Variants in MYBL2 observed in about 807,000 individuals in gnomAD.
MYBL2 encodes the protein MYB proto-oncogene like 2.
A neutral mutation model predicts 79.9 loss-of-function variants in MYBL2; 28 were observed. The observed-to-expected ratio is 0.35, with a 90% CI of 0.26 to 0.48. The LOEUF is 0.48. Ranked by LOEUF, MYBL2 falls within the 20% of genes least tolerant of loss-of-function variation. MYBL2 has a pLI of 0.99. For missense variants in MYBL2, 735 were observed against 893.9 expected (o/e 0.82, Z 2.27); for synonymous variants, 378 against 361.2 (o/e 1.05, Z -0.53).
intron 1 of MYBL2, among the ~76,000 whole-genome samples, chr20:43,670,255 C>T (rs1029590325): frequency 7.9e-5 from 12 of 152,300 alleles, no homozygotes; most frequent in Middle Eastern, 3.4e-3. Context: ...GTTTCTGTCA[C>T]GAGCTGTCTG....
At chr20:43,681,962 C>A in intron 3 of MYBL2, 107 bp downstream of exon 3, 17 of 1,167,632 alleles carry the variant, frequency 1.5e-5, no homozygotes, top group Non-Finnish European at 2.0e-5. Flanking sequence ...CCTTACTCAG[C>A]CCCTGAAAAC....
rs3092517 is a variant in MYBL2 at position 43,691,543 on chromosome 20, AT to A, written c.501-600del. 2.0e-3 allele frequency among the ~76,000 whole-genome samples: 280 copies of A among 141,626 alleles called. 1 individual carries two copies. The highest frequency in any genetic ancestry group is 5.7e-3 in the African/African-American group (218 of 38,174). 92.9% of individuals were successfully genotyped at this position (141,626 alleles called of 152,430 possible). On this transcript the variant is annotated intron_variant, in intron 5 of 13. Coordinates refer to ENST00000217026, the MANE Select transcript of MYBL2 (RefSeq NM_002466.4). Reference sequence around the variant, plus strand: ...CCACTGTTCCTGGTCTTATATATACATTTTTTTTTTTTTTGAGGTGGAATTT... The same window carrying A: ...CCACTGTTCCTGGTCTTATATATACATTTTTTTTTTTTTGAGGTGGAATTT...
intron 4 of MYBL2, among the ~76,000 whole-genome samples, chr20:43,686,371 C>T (rs826960): frequency 0.77 from 116,463 of 152,090 alleles, 45,425 homozygotes; most frequent in Non-Finnish European, 0.84. Flanking sequence ...TACCATGGCT[C>T]AGCCTGTGCC....
chr20:43,714,547 G>A (rs1230233392), intron 12 of MYBL2, among the ~76,000 whole-genome samples: 1 of 152,102 alleles, frequency 6.6e-6, no homozygotes, highest in Non-Finnish European at 1.5e-5. Flanking sequence ...ATCAGGCTCT[G>A]AAACGCACAC....
intron 6 of MYBL2, among the ~76,000 whole-genome samples, chr20:43,692,567 T>G (rs1029329685): frequency 5.3e-5 from 8 of 152,206 alleles, no homozygotes; most frequent in African/African-American, 1.9e-4. Flanking sequence ...CCTCCATCTC[T>G]CCTTGCTGGT....
At chr20:43,699,669 T>G in intron 6 of MYBL2, 88 bp from the exon 7 acceptor site, 1 of 1,405,688 alleles carries the variant, frequency 7.1e-7, no homozygotes, top group East Asian at 2.3e-5. Context: ...AGTTTCCTTC[T>G]TAGATTCAGG....
At chr20:43,706,131 T>C (rs1050455016) in intron 9 of MYBL2, among the ~76,000 whole-genome samples, 11 of 152,200 alleles carry the variant, frequency 7.2e-5, no homozygotes, top group Admixed American at 1.3e-4. Context: ...CTGGCCCTCA[T>C]TTGATAATTT....
At chr20:43,688,304 C>T (rs112538861) in intron 5 of MYBL2, among the ~76,000 whole-genome samples, 4 of 151,344 alleles carry the variant, frequency 2.6e-5, no homozygotes, top group Admixed American at 6.6e-5. Flanking sequence ...CAGGTTGAAA[C>T]GATTCTCCTG....
At chr20:43,693,143 T>C (rs1182045241) in intron 6 of MYBL2, among the ~76,000 whole-genome samples, 1 of 152,100 alleles carries the variant, frequency 6.6e-6, no homozygotes, top group Non-Finnish European at 1.5e-5. Context: ...AGCGATCTCA[T>C]GCCTCAGCAA....
At position 43,681,852 on chromosome 20, in the gene MYBL2, C is replaced by G; in HGVS notation, c.183C>G (p.Phe61Leu). 1 of 1,614,202 alleles carries G rather than the reference C, an allele frequency of 6.2e-7. No individual in the cohort carries two copies. Residue 61 changes from phenylalanine (F) to leucine (L), a missense_variant, in exon 3 of 14, where the codon TTC becomes TTG. Physicochemically the swap from Phe to Leu is conservative, Grantham distance 22. Coordinates refer to ENST00000217026, the MANE Select transcript of MYBL2 (RefSeq NM_002466.4). ...ACTGGAAGTTCCTGGCCAGCCACTT[C>G]CCTGTGAGTACAGTCCTGCTGTGGC... is the stretch of plus-strand genomic sequence containing the variant. ...QQDWKFLASH[F>L]PNRTDQQCQY...
chr20:43,676,556 C>T (rs759609046), intron 2 of MYBL2, among the ~76,000 whole-genome samples: 36 of 152,184 alleles, frequency 2.4e-4, no homozygotes, highest in African/African-American at 3.9e-4. Flanking sequence ...TACCACACAG[C>T]GTTTCACCTG....
chr20:43,699,724 GA>G (rs1987636796), intron 6 of MYBL2, 32 bp from the exon 7 acceptor site: 11 of 1,609,518 alleles, frequency 6.8e-6, no homozygotes, highest in African/African-American at 1.3e-5. Flanking sequence ...ATATCTCAGC[GA>G]AATGCAAATG....
chr20:43,711,034 G>A lies in MYBL2; in HGVS notation c.1606-454G>A, dbSNP rs138520167. 4.6e-5 allele frequency among the ~76,000 whole-genome samples: 7 copies of A among 152,324 alleles called. No individual in the cohort carries two copies. The East Asian group carries it at 1.4e-3, about 29-fold the overall frequency. On this transcript the variant is annotated intron_variant, in intron 10 of 13. Coordinates refer to ENST00000217026, the MANE Select transcript of MYBL2 (RefSeq NM_002466.4). Reference sequence around the variant, plus strand: ...CCTCCCCTGTTCTCTGTTGCCTGAAGCTGGAGAGGTCCTTGGAACCCCGAG... The same window carrying A: ...CCTCCCCTGTTCTCTGTTGCCTGAAACTGGAGAGGTCCTTGGAACCCCGAG...
At chr20:43,667,332 C>G in intron 1 of MYBL2, 29 bp downstream of exon 1, 3 of 1,228,098 alleles carry the variant, frequency 2.4e-6, no homozygotes, top group Non-Finnish European at 3.1e-6. Flanking sequence ...GCTTGGGCCC[C>G]TCCCCCTCCC....
intron 4 of MYBL2, 82 bp from the exon 5 acceptor site, chr20:43,686,770 A>G: frequency 1.4e-6 from 2 of 1,396,218 alleles, no homozygotes; most frequent in Non-Finnish European, 2.0e-6. Flanking sequence ...GGGCCATGGC[A>G]AGGCTCAGGT....
chr20:43,669,739 A>G (rs900333479), intron 1 of MYBL2, among the ~76,000 whole-genome samples: 9 of 152,166 alleles, frequency 5.9e-5, no homozygotes, highest in Admixed American at 5.2e-4. Context: ...AAGGGGGATA[A>G]TGAGAATGTG....
chr20:43,714,084 A>G (rs1987973974), intron 12 of MYBL2, among the ~76,000 whole-genome samples: 1 of 152,180 alleles, frequency 6.6e-6, no homozygotes, highest in Non-Finnish European at 1.5e-5. Flanking sequence ...ACATCACCGC[A>G]GGGAGTGAAG....
intron 12 of MYBL2, among the ~76,000 whole-genome samples, chr20:43,714,864 C>CAG (rs1275499939): frequency 6.6e-6 from 1 of 152,194 alleles, no homozygotes; most frequent in Admixed American, 6.5e-5. Context: ...CTCTTGACCT[C>CAG]GTGATCCGCC....
At position 43,714,122 on chromosome 20, in the gene MYBL2, G is replaced by A. The variant is rs1272343516; in HGVS notation, c.1825-1012G>A. 2.6e-5 allele frequency among the ~76,000 whole-genome samples: 4 copies of A among 152,122 alleles called. No individual in the cohort carries two copies. In the South Asian group the frequency reaches 8.3e-4, roughly 32 times the overall value. ...CACAGATTGAGTCAGGTGGGCCTGG[G>A]TTTGAGTTATGACACCATCACTGCT... is the stretch of plus-strand genomic sequence containing the variant. On this transcript the variant is annotated intron_variant, in intron 12 of 13. Transcript: ENST00000217026.
Sources: allele counts gnomAD v4.1 joint callset (sites outside exome capture counted in the v4.1 genomes callset), GRCh38; gene constraint gnomAD v4.1.1; transcripts MANE v1.5; gene names NCBI Gene and HGNC (gene_info 2026-07-23, HGNC 2026-07-21).